Variants in RBFOX2 observed in about 807,000 individuals in gnomAD.
RBFOX2 encodes RNA binding fox-1 homolog 2, also known as RNA binding protein fox-1 homolog 2.
In RBFOX2, 10 loss-of-function variants were observed where a neutral mutation model predicts 49.1. That is an observed-to-expected ratio of 0.20 (90% CI 0.13 to 0.35). The LOEUF (loss-of-function observed/expected upper bound fraction) is 0.35, where lower values mean the gene tolerates loss of function less well. RBFOX2 is among the 10% of genes least tolerant of loss of function. The pLI is 1.00. For synonymous variants in RBFOX2, 183 were observed against 187.4 expected (o/e 0.98, Z 0.19); for missense variants, 323 against 486.9 (o/e 0.66, Z 3.17).
intron 8 of RBFOX2, 81 bp from the exon 10 acceptor site, chr22:35,760,101 A>G (rs1938240069): frequency 4.5e-6 from 7 of 1,550,180 alleles, no homozygotes; most frequent in Non-Finnish European, 5.3e-6. Flanking sequence ...CTATGAACCA[A>G]TTATAGAAAA....
At chr22:35,972,968 C>G (rs2150020118) in intron 1 of RBFOX2, among the ~76,000 whole-genome samples, 1 of 152,122 alleles carries the variant, frequency 6.6e-6, no homozygotes, top group East Asian at 1.9e-4. Flanking sequence ...TGTAACTTGT[C>G]CTTTGTGCTC....
intron 1 of RBFOX2, among the ~76,000 whole-genome samples, chr22:35,937,646 A>G (rs1314625060): frequency 6.6e-6 from 1 of 152,212 alleles, no homozygotes; most frequent in African/African-American, 2.4e-5. Context: ...GCTGGAATGC[A>G]ATGGTGTAGT....
chr22:36,020,151 G>A (rs1328010647), intron 1 of RBFOX2, among the ~76,000 whole-genome samples: 1 of 152,172 alleles, frequency 6.6e-6, no homozygotes, highest in African/African-American at 2.4e-5. Flanking sequence ...ATGGGGAAAG[G>A]ATTCCCTATC....
chr22:35,821,953 A>G (rs961455971), intron 1 of RBFOX2: 2 of 518,986 alleles, frequency 3.9e-6, no homozygotes, highest in Non-Finnish European at 7.7e-6. Context: ...CTTTGGATGG[A>G]AAGGACAGAG....
intron 4 of RBFOX2, among the ~76,000 whole-genome samples, chr22:35,776,033 A>G (rs771384658): frequency 4.6e-5 from 7 of 152,130 alleles, no homozygotes; most frequent in Non-Finnish European, 8.8e-5. Context: ...TCTAGTTGTT[A>G]GATTCTAGTT....
chr22:35,743,732 T>C (rs1931054523), exon 12 of RBFOX2: 2 of 152,978 alleles, frequency 1.3e-5, no homozygotes, highest in Admixed American at 6.5e-5. Context: ...ACTAGAAGAA[T>C]ATCCTGTTGC....
chr22:35,958,678 C>T (rs748706809), intron 1 of RBFOX2, among the ~76,000 whole-genome samples: 14 of 152,182 alleles, frequency 9.2e-5, no homozygotes, highest in Non-Finnish European at 2.1e-4. Context: ...ATAATTACCA[C>T]GTTAATTCTT....
At chr22:35,913,059 G>A (rs1371209441) in intron 1 of RBFOX2, among the ~76,000 whole-genome samples, 1 of 152,158 alleles carries the variant, frequency 6.6e-6, no homozygotes, top group Non-Finnish European at 1.5e-5. Flanking sequence ...ACAAATGACA[G>A]AAAATGATTT....
chr22:36,014,183 G>A (rs1255728716), intron 1 of RBFOX2, among the ~76,000 whole-genome samples: 2 of 151,232 alleles, frequency 1.3e-5, no homozygotes, highest in Non-Finnish European at 2.9e-5. Flanking sequence ...GTGCAGTGGC[G>A]CAATCGCGGC....
intron 1 of RBFOX2, among the ~76,000 whole-genome samples, chr22:35,896,735 A>G (rs2047892102): frequency 6.6e-6 from 1 of 152,178 alleles, no homozygotes; most frequent in Non-Finnish European, 1.5e-5. Flanking sequence ...TGGGGCAGGT[A>G]TTCTTCTTGG....
At chr22:35,977,377 G>A (rs1222271417) in intron 1 of RBFOX2, among the ~76,000 whole-genome samples, 2 of 151,986 alleles carry the variant, frequency 1.3e-5, no homozygotes, top group South Asian at 4.1e-4. Context: ...CAGCAAAAAA[G>A]GAATGCATTA....
intron 1 of RBFOX2, among the ~76,000 whole-genome samples, chr22:35,813,629 T>C (rs1211076579): frequency 6.6e-6 from 1 of 152,252 alleles, no homozygotes; most frequent in Non-Finnish European, 1.5e-5. Flanking sequence ...TAAAGCCTCA[T>C]ACTTAGCAAA....
chr22:35,892,621 G>C (rs769217760), intron 1 of RBFOX2, among the ~76,000 whole-genome samples: 16 of 152,166 alleles, frequency 1.1e-4, no homozygotes, highest in Non-Finnish European at 1.3e-4. Flanking sequence ...TACTCAGAAA[G>C]AGTGCCTTTG....
intron 1 of RBFOX2, among the ~76,000 whole-genome samples, chr22:36,010,732 TACACACACACACACACACACACACAC>T (rs34495987): frequency 2.2e-5 from 3 of 136,968 alleles, no homozygotes; most frequent in East Asian, 2.2e-4. Context: ...TACTGTTCAG[TACACACACACACACACACACACACAC>T]ACACACACAC....
intron 1 of RBFOX2, among the ~76,000 whole-genome samples, chr22:35,890,937 G>T (rs2047164697): frequency 6.6e-6 from 1 of 151,956 alleles, no homozygotes; most frequent in African/African-American, 2.4e-5. Context: ...TCTCATGGTT[G>T]CTTTCCTCAC....
intron 4 of RBFOX2, 151 bp from the exon 6 acceptor site, chr22:35,768,500 A>G: frequency 1.6e-6 from 1 of 609,928 alleles, no homozygotes; most frequent in Non-Finnish European, 2.9e-6. Flanking sequence ...TGGTCCATGC[A>G]TATTTGTAAA....
exon 12 of RBFOX2, chr22:35,739,711 G>T (rs1206827042): frequency 6.6e-6 from 1 of 152,572 alleles, no homozygotes; most frequent in Non-Finnish European, 1.5e-5. Context: ...TGGGAAACTG[G>T]TGTTGGTAAC....
chr22:35,823,300 C>T (rs1374663434), intron 1 of RBFOX2, among the ~76,000 whole-genome samples: 2 of 152,182 alleles, frequency 1.3e-5, no homozygotes, highest in Non-Finnish European at 1.5e-5. Context: ...CCCATGGGTT[C>T]CCCCTGGACA....
At chr22:35,918,840 A>G (rs1430676456) in intron 1 of RBFOX2, among the ~76,000 whole-genome samples, 1 of 152,204 alleles carries the variant, frequency 6.6e-6, no homozygotes, top group African/African-American at 2.4e-5. Flanking sequence ...CTAGGCCTTT[A>G]GCTGCAATTC....
Sources: gnomAD v4.1 joint callset for allele counts (sites outside exome capture counted in the v4.1 genomes callset) on GRCh38, gnomAD v4.1.1 for gene constraint, MANE v1.5 for transcripts, NCBI Gene and HGNC (gene_info 2026-07-23, HGNC 2026-07-21) for gene names.